Variants in NCAM2 observed in about 807,000 individuals in gnomAD.
NCAM2 encodes the protein neural cell adhesion molecule 2.
In NCAM2, 30 loss-of-function variants were observed where a neutral mutation model predicts 98.1. The ratio of observed to expected loss-of-function variants is 0.31; its 90% CI spans 0.23 to 0.41. The LOEUF (loss-of-function observed/expected upper bound fraction) is 0.41. NCAM2 is among the 10% of genes least tolerant of loss of function. The pLI is 1.00. For missense variants in NCAM2, 867 were observed against 1,005.8 expected, an observed-to-expected ratio of 0.86 and a Z score of 1.87; for synonymous variants, 368 against 342.4, an observed-to-expected ratio of 1.07 and a Z score of -0.83.
At chr21:21,256,093 G>T (rs563764108) in intron 1 of NCAM2, among the ~76,000 whole-genome samples, 15 of 152,150 alleles carry the variant, frequency 9.9e-5, no homozygotes, top group Admixed American at 7.9e-4. Flanking sequence ...AGTGGCTCAC[G>T]CCTGTAATCC....
intron 1 of NCAM2, chr21:21,210,839 C>A (rs1444224973): frequency 3.4e-6 from 1 of 291,550 alleles, no homozygotes; most frequent in African/African-American, 2.3e-5. Context: ...TGATAAATTA[C>A]CAGTGGTGTG....
At chr21:21,014,165 G>A (rs1216394129) in intron 1 of NCAM2, among the ~76,000 whole-genome samples, 1 of 152,020 alleles carries the variant, frequency 6.6e-6, no homozygotes, top group Non-Finnish European at 1.5e-5. Context: ...ATTACGCTAA[G>A]TCGTAATCCC....
intron 9 of NCAM2, among the ~76,000 whole-genome samples, chr21:21,385,412 A>ACACG (rs2076249931): frequency 6.6e-6 from 1 of 151,112 alleles, no homozygotes; most frequent in Admixed American, 6.6e-5. Flanking sequence ...ACACACACAT[A>ACACG]CACACACACA....
intron 16 of NCAM2, among the ~76,000 whole-genome samples, chr21:21,526,119 G>A (rs1365660700): frequency 1.3e-5 from 2 of 151,906 alleles, no homozygotes; most frequent in Non-Finnish European, 2.9e-5. Context: ...TGTACTGGAA[G>A]AACTAGCGAA....
chr21:21,210,592 T>G, intron 1 of NCAM2: 1 of 1,289,078 alleles, frequency 7.8e-7, no homozygotes, highest in Admixed American at 2.3e-5. Flanking sequence ...AGGACAAGTT[T>G]ACCTTGATTA....
At chr21:21,194,983 T>C (rs551494508) in intron 1 of NCAM2, among the ~76,000 whole-genome samples, 2 of 152,304 alleles carry the variant, frequency 1.3e-5, no homozygotes, top group African/African-American at 4.8e-5. Flanking sequence ...TTATGATCTG[T>C]ATATAAATTA....
chr21:21,477,724 A>C (rs925504546), intron 15 of NCAM2, among the ~76,000 whole-genome samples: 4 of 152,132 alleles, frequency 2.6e-5, no homozygotes, highest in Non-Finnish European at 5.9e-5. Flanking sequence ...GAACATAGAG[A>C]GTAAGAGTGA....
intron 1 of NCAM2, among the ~76,000 whole-genome samples, chr21:21,156,007 A>G (rs919739985): frequency 2.0e-5 from 3 of 151,918 alleles, no homozygotes; most frequent in South Asian, 4.1e-4. Context: ...TTCTTACTTC[A>G]GTTAAGTGTT....
intron 1 of NCAM2, among the ~76,000 whole-genome samples, chr21:21,167,282 A>T (rs1349837008): frequency 1.3e-5 from 2 of 152,186 alleles, no homozygotes; most frequent in Non-Finnish European, 1.5e-5. Context: ...AATTTTAGCC[A>T]TGATTAGATG....
intron 1 of NCAM2, among the ~76,000 whole-genome samples, chr21:21,097,414 C>T (rs1474521): frequency 0.037 from 5,617 of 151,682 alleles, 138 homozygotes; most frequent in Non-Finnish European, 0.044. Flanking sequence ...TTTAGAACTG[C>T]AAAATTGAGG....
intron 9 of NCAM2, among the ~76,000 whole-genome samples, chr21:21,406,901 T>C (rs1189283176): frequency 1.3e-5 from 2 of 152,184 alleles, no homozygotes; most frequent in East Asian, 1.9e-4. Context: ...ATTGCCTTTT[T>C]TCTTTCATAT....
intron 1 of NCAM2, among the ~76,000 whole-genome samples, chr21:21,205,678 G>T (rs2826733): frequency 0.35 from 53,825 of 151,802 alleles, 10,046 homozygotes; most frequent in Non-Finnish European, 0.43. Flanking sequence ...AATGTTAGGA[G>T]TGATTTTCTT....
At chr21:21,098,961 A>G (rs2066181873) in intron 1 of NCAM2, among the ~76,000 whole-genome samples, 1 of 151,816 alleles carries the variant, frequency 6.6e-6, no homozygotes, top group Non-Finnish European at 1.5e-5. Flanking sequence ...TTTTGGTGAA[A>G]GCACTTATAA....
At chr21:21,524,295 A>G (rs1042034181) in intron 16 of NCAM2, among the ~76,000 whole-genome samples, 4 of 152,070 alleles carry the variant, frequency 2.6e-5, no homozygotes, top group Non-Finnish European at 5.9e-5. Flanking sequence ...TTTAACATGT[A>G]TATGTTTAAC....
chr21:21,196,949 G>A (rs529209484), intron 1 of NCAM2, among the ~76,000 whole-genome samples: 156 of 152,124 alleles, frequency 1.0e-3, no homozygotes, highest in Middle Eastern at 3.4e-3. Flanking sequence ...TGTGGAGCAC[G>A]TAGCACCTTC....
At chr21:21,104,297 T>G (rs555281972) in intron 1 of NCAM2, among the ~76,000 whole-genome samples, 3 of 152,172 alleles carry the variant, frequency 2.0e-5, no homozygotes, top group Non-Finnish European at 4.4e-5. Flanking sequence ...AGTACATTAG[T>G]GTATTGTATA....
At chr21:21,316,451 G>A (rs1456436378) in intron 5 of NCAM2, among the ~76,000 whole-genome samples, 1 of 149,552 alleles carries the variant, frequency 6.7e-6, no homozygotes, top group African/African-American at 2.5e-5. Context: ...TTATTAAGAT[G>A]TTACAGTAAA....
chr21:21,241,545 T>C (rs1195204441), intron 1 of NCAM2, among the ~76,000 whole-genome samples: 1 of 152,180 alleles, frequency 6.6e-6, no homozygotes, highest in Non-Finnish European at 1.5e-5. Context: ...ATTTATTCAG[T>C]GTAAATCACA....
At chr21:21,129,628 G>A (rs980799842) in intron 1 of NCAM2, among the ~76,000 whole-genome samples, 1 of 152,124 alleles carries the variant, frequency 6.6e-6, no homozygotes, top group Admixed American at 6.5e-5. Flanking sequence ...GTTTTTAGAT[G>A]GCATTCTCAC....
Sources: allele counts gnomAD v4.1 joint callset (sites outside exome capture counted in the v4.1 genomes callset), GRCh38; gene constraint gnomAD v4.1.1; transcripts MANE v1.5; gene names NCBI Gene and HGNC (gene_info 2026-07-23, HGNC 2026-07-21).